Variants in ATP2B1 observed in about 807,000 individuals in gnomAD.
The protein encoded by ATP2B1 is plasma membrane calcium-transporting ATPase 1.
In ATP2B1, 14 loss-of-function variants were observed where a neutral mutation model predicts 124.2. The ratio of observed to expected loss-of-function variants is 0.11; its 90% CI spans 0.07 to 0.18. The LOEUF (loss-of-function observed/expected upper bound fraction) is 0.18, where lower values mean the gene tolerates loss of function less well. Among genes scored for constraint, ATP2B1 ranks in the 10% least tolerant of loss-of-function variants. The pLI is 1.00. For missense variants in ATP2B1, 763 were observed against 1,466.1 expected (o/e 0.52, Z 7.83); for synonymous variants, 449 against 492.4 (o/e 0.91, Z 1.17).
intron 1 of ATP2B1, among the ~76,000 whole-genome samples, chr12:89,677,442 G>A (rs1021180513): frequency 1.3e-5 from 2 of 152,028 alleles, no homozygotes; most frequent in Admixed American, 1.3e-4. Flanking sequence ...ATTCACTAAT[G>A]GCAATATCTG....
intron 9 of ATP2B1, among the ~76,000 whole-genome samples, chr12:89,622,286 A>C (rs780450064): frequency 1.1e-4 from 11 of 104,240 alleles, no homozygotes; most frequent in Non-Finnish European, 2.0e-5. Context: ...GCTTGTGGGT[A>C]TGTAGTTGCT....
intron 15 of ATP2B1, among the ~76,000 whole-genome samples, chr12:89,606,218 G>T (rs1470463614): frequency 1.3e-5 from 2 of 152,162 alleles, no homozygotes; most frequent in Non-Finnish European, 2.9e-5. Flanking sequence ...TGGTCTATAT[G>T]CTTGTGAAAG....
intron 3 of ATP2B1, among the ~76,000 whole-genome samples, chr12:89,641,413 G>A (rs1175254963): frequency 1.3e-5 from 2 of 152,132 alleles, no homozygotes; most frequent in Non-Finnish European, 2.9e-5. Flanking sequence ...GGGAATATGT[G>A]CATATATATA....
At chr12:89,602,905 A>C (rs1329265637) in intron 18 of ATP2B1, 138 bp downstream of exon 18, 3 of 727,536 alleles carry the variant, frequency 4.1e-6, no homozygotes, top group Non-Finnish European at 6.7e-6. Flanking sequence ...CATATACCTT[A>C]AATCACCATG....
At chr12:89,697,582 T>G (rs1163815812) in intron 1 of ATP2B1, among the ~76,000 whole-genome samples, 1 of 152,008 alleles carries the variant, frequency 6.6e-6, no homozygotes, top group East Asian at 1.9e-4. Context: ...TATCCACACA[T>G]TTAAACTTAT....
intron 1 of ATP2B1, among the ~76,000 whole-genome samples, chr12:89,676,775 A>G (rs1162696474): frequency 6.6e-6 from 1 of 152,126 alleles, no homozygotes; most frequent in African/African-American, 2.4e-5. Context: ...CAAACATACA[A>G]AACAAAACGT....
At chr12:89,708,180 G>C (rs1892734470) in intron 1 of ATP2B1, among the ~76,000 whole-genome samples, 1 of 152,164 alleles carries the variant, frequency 6.6e-6, no homozygotes, top group Admixed American at 6.5e-5. Context: ...GGCGCGGGGA[G>C]AGGGAGTGCC....
intron 5 of ATP2B1, among the ~76,000 whole-genome samples, chr12:89,633,214 C>T (rs1882151338): frequency 6.6e-6 from 1 of 152,040 alleles, no homozygotes; most frequent in African/African-American, 2.4e-5. Context: ...TATATCCAAG[C>T]TCTTTCTGGC....
rs115209146 is a variant in ATP2B1, at chr12:89,609,008, T to C, written c.2442+929A>G. On this transcript the variant is annotated intron_variant, in intron 15 of 20. Transcript: ENST00000428670. ...CCTTTCCTCATCTCTCTCACTCCTG[T>C]TGAAAGGCTGCCACCATGGTAGATC... Among the ~76,000 whole-genome samples the C allele has an allele frequency of 8.2e-3, 1,242 of 152,308 alleles. 16 individuals carry two copies. The highest frequency in any genetic ancestry group is 0.029 in the African/African-American group (1,188 of 41,558).
intron 3 of ATP2B1, among the ~76,000 whole-genome samples, chr12:89,636,224 G>A (rs1882683733): frequency 6.6e-6 from 1 of 151,936 alleles, no homozygotes; most frequent in South Asian, 2.1e-4. Context: ...GGGGTGGGAG[G>A]TGGGGAGGGG....
At position 89,591,175 on chromosome 12, in the gene ATP2B1, G is replaced by A. The variant is rs1168782733; in HGVS notation, c.3472C>T (p.His1158Tyr). ...PEFRIEDSEP[H>Y]IPLIDDTDAE... The stretch of plus-strand genomic sequence containing the variant: ...TCAGTGTCATCAATAAGGGGGATAT[G>A]AGGCTCTGAATCTTCTATCCTAAAC... The change falls in exon 21 of 21, where the codon CAT becomes TAT. Residue 1158 changes from histidine (H) to tyrosine (Y), a missense_variant. By Grantham distance (83) the His-to-Tyr change is moderately conservative (BLOSUM62 2). Around this residue, in one of 7 missense-constraint regions of ATP2B1, gnomAD observed 97 missense variants for 94.7 expected, o/e 1.02. Transcript: ENST00000428670. 2 of 1,613,308 alleles carry A rather than the reference G, an allele frequency of 1.2e-6. No individual in the cohort carries two copies. The highest frequency in any genetic ancestry group is 1.1e-5 in the South Asian group (1 of 91,064).
rs1877692101 is a variant in ATP2B1, at chr12:89,610,009, C to T, written c.2370G>A (p.Gln790=). Reference sequence around the variant, plus strand: ...TACCATCACCAGTTACAGCTACAACCTGGCGTTGGTCTGAGACAGTGCTGT... The same window carrying T: ...TACCATCACCAGTTACAGCTACAACTTGGCGTTGGTCTGAGACAGTGCTGT... ...IIDSTVSDQR[Q]VVAVTGDGTN... The change falls in exon 15 of 21, where the codon CAG becomes CAA. Residue 790 remains glutamine (Q), a synonymous_variant. Transcript: ENST00000428670. 3.1e-6 allele frequency: 5 copies of T among 1,613,642 alleles called. No homozygotes were observed. In the Admixed American group the frequency reaches 8.3e-5, roughly 27 times the overall value.
chr12:89,616,113 T>A (rs1878914188), intron 12 of ATP2B1, among the ~76,000 whole-genome samples: 1 of 152,130 alleles, frequency 6.6e-6, no homozygotes, highest in African/African-American at 2.4e-5. Context: ...AATCACGTGT[T>A]TGGTTCGTCC....
At chr12:89,698,457 C>T (rs767252339) in intron 1 of ATP2B1, among the ~76,000 whole-genome samples, 5 of 151,956 alleles carry the variant, frequency 3.3e-5, no homozygotes, top group Non-Finnish European at 1.5e-5. Flanking sequence ...GAAAGCAGAT[C>T]GGGGCTGCCT....
chr12:89,645,141 C>G (rs561676768), intron 2 of ATP2B1, among the ~76,000 whole-genome samples: 1 of 152,230 alleles, frequency 6.6e-6, no homozygotes, highest in East Asian at 1.9e-4. Flanking sequence ...GCCAAACTTA[C>G]AAGGTTGTTT....
intron 15 of ATP2B1, among the ~76,000 whole-genome samples, chr12:89,606,252 T>C (rs918242968): frequency 6.6e-6 from 1 of 152,180 alleles, no homozygotes; most frequent in Admixed American, 6.5e-5. Flanking sequence ...CCTTCATTAA[T>C]GAAAGTCAGT....
chr12:89,695,456 TTGAAA>T (rs1356671470), intron 1 of ATP2B1, among the ~76,000 whole-genome samples: 2 of 152,056 alleles, frequency 1.3e-5, no homozygotes, highest in African/African-American at 4.8e-5. Flanking sequence ...AATTTTCTAC[TTGAAA>T]TGAGAATTAA....
At chr12:89,682,020 A>G (rs1889414008) in intron 1 of ATP2B1, among the ~76,000 whole-genome samples, 2 of 152,194 alleles carry the variant, frequency 1.3e-5, no homozygotes, top group African/African-American at 4.8e-5. Context: ...AGAGCCAATG[A>G]AAATTAATTC....
At chr12:89,694,190 T>G (rs763102360) in intron 1 of ATP2B1, among the ~76,000 whole-genome samples, 13 of 152,210 alleles carry the variant, frequency 8.5e-5, no homozygotes, top group Admixed American at 3.9e-4. Flanking sequence ...TACATATATA[T>G]AGAGAAAGAT....
Sources: gnomAD v4.1 joint callset for allele counts (sites outside exome capture counted in the v4.1 genomes callset) on GRCh38, gnomAD v4.1.1 for gene constraint, gnomAD v4.1.1 regional missense constraint, MANE v1.5 for transcripts, NCBI Gene and HGNC (gene_info 2026-07-23, HGNC 2026-07-21) for gene names.